Variants in OSTM1 observed in about 807,000 individuals in gnomAD.
The protein encoded by OSTM1 is osteopetrosis-associated transmembrane protein 1.
Under a neutral mutation model 35.4 loss-of-function variants are expected in OSTM1, and 26 were observed. The ratio of observed to expected loss-of-function variants is 0.73; its 90% CI spans 0.54 to 1.02. OSTM1 has a LOEUF of 1.02. Among genes scored for constraint, OSTM1 ranks in the 50% least tolerant of loss-of-function variants. OSTM1 has a pLI of 0.00. For synonymous variants in OSTM1, 181 were observed against 165.0 expected (o/e 1.10, Z -0.75); for missense variants, 366 against 409.6 (o/e 0.89, Z 0.92).
intron 2 of OSTM1, chr6:108,060,903 T>C (rs1051098568): frequency 1.3e-5 from 2 of 152,070 alleles, no homozygotes; most frequent in African/African-American, 4.8e-5. Flanking sequence ...TTTCCCCTCT[T>C]CTCACTGCTG....
At chr6:108,052,044 AC>A (rs1387766873) in intron 3 of OSTM1, among the ~76,000 whole-genome samples, 7 of 152,278 alleles carry the variant, frequency 4.6e-5, no homozygotes, top group African/African-American at 1.7e-4. Context: ...TGTTACCCTC[AC>A]CATCTGCTTG....
At chr6:108,074,205 C>G in intron 1 of OSTM1, 45 bp downstream of exon 1, 2 of 1,598,408 alleles carry the variant, frequency 1.3e-6, no homozygotes, top group Non-Finnish European at 1.7e-6. Flanking sequence ...CTCCTCCTTT[C>G]CCAACTCTCC....
chr6:108,068,286 C>T (rs959271189), intron 1 of OSTM1, among the ~76,000 whole-genome samples: 1 of 152,140 alleles, frequency 6.6e-6, no homozygotes, highest in Non-Finnish European at 1.5e-5. Flanking sequence ...GTCATAATTT[C>T]AAATGCCATT....
rs1330784570 is a variant in OSTM1 at position 108,054,524 on chromosome 6, T to C, written c.581A>G (p.Asn194Ser). ...NSTVYFLNLF[N>S]HTLTCFEHNL... is the part of the protein sequence containing the mutation. ...ATGTTCAAAGCAGGTCAGGGTGTGA[T>C]TAAATAGATTAAGGAAATATACTGT... Residue 194 changes from asparagine (N) to serine (S), a missense_variant, in exon 3 of 6, where the codon AAT (asparagine) becomes AGT (serine). This residue lies in a region of OSTM1 where 5 missense variants were observed against 18.5 expected (regional missense o/e 0.27). Transcript: ENST00000193322. The C allele has an allele frequency of 6.4e-7, 1 of 1,556,616 alleles. No individual in the cohort carries two copies. The highest frequency in any genetic ancestry group is 8.8e-7 in the Non-Finnish European group (1 of 1,130,876).
rs767850587 is a variant in OSTM1, at chr6:108,051,013, C to T, written c.783+18G>A. ...TAACACTCTAAAATATGTATCACAT[C>T]AGAAGCAAAGTACTTACTGCATCTT... On this transcript the variant is annotated intron_variant, in intron 4 of 5. Coordinates refer to ENST00000193322, the MANE Select transcript of OSTM1 (RefSeq NM_014028.4). 10 of 1,593,836 alleles carry T rather than the reference C, an allele frequency of 6.3e-6. No homozygotes were observed. Among genetic ancestry groups the T allele is most frequent in the East Asian group, 2.2e-5 (1 of 44,700 alleles).
intron 1 of OSTM1, among the ~76,000 whole-genome samples, chr6:108,068,124 C>T (rs974560585): frequency 6.6e-6 from 1 of 152,154 alleles, no homozygotes; most frequent in Admixed American, 6.5e-5. Flanking sequence ...AATAACCACC[C>T]CTTCCCTTTT....
intron 1 of OSTM1, among the ~76,000 whole-genome samples, chr6:108,071,075 C>A (rs1197653395): frequency 1.3e-5 from 2 of 151,396 alleles, no homozygotes; most frequent in African/African-American, 4.9e-5. Context: ...GTAGTCCCAG[C>A]TGCTTGGGAG....
intron 4 of OSTM1, among the ~76,000 whole-genome samples, chr6:108,050,280 G>T (rs747587199): frequency 6.7e-6 from 1 of 149,640 alleles, no homozygotes; most frequent in African/African-American, 2.5e-5. Context: ...GATGGTAATA[G>T]ATATAAGAAA....
At chr6:108,055,181 A>T (rs1016444776) in intron 2 of OSTM1, among the ~76,000 whole-genome samples, 3 of 152,230 alleles carry the variant, frequency 2.0e-5, no homozygotes, top group African/African-American at 7.2e-5. Context: ...TAAAAATCCT[A>T]CATAAATGGT....
chr6:108,046,168 A>ATTTTTTTTTTTTTTTTTTT (rs750495431), intron 5 of OSTM1, among the ~76,000 whole-genome samples: 1 of 93,484 alleles, frequency 1.1e-5, no homozygotes, highest in South Asian at 3.4e-4. Context: ...CGCCCAGCTA[A>ATTTTTTTTTTTTTTTTTTT]TTTTTTTTTT....
At position 108,074,665 on chromosome 6, in the gene OSTM1, C is replaced by A. The variant is rs1441787870; in HGVS notation, c.-14G>T. 5.9e-6 allele frequency: 9 copies of A among 1,537,500 alleles called. No homozygotes were observed. Among genetic ancestry groups the A allele is most frequent in the Non-Finnish European group, 7.8e-6 (9 of 1,148,386 alleles). ...GCCCGGCTCCATCACCGGGCTCACACACCCCAGGGAGCCCACCGCCGCCTC... is the reference window on the plus strand; with the variant it reads ...GCCCGGCTCCATCACCGGGCTCACAAACCCCAGGGAGCCCACCGCCGCCTC... On this transcript the variant is annotated 5_prime_UTR_variant, in exon 1 of 6. Transcript: ENST00000193322.
At position 108,044,801 on chromosome 6, in the gene OSTM1, T is replaced by G. The variant is rs142270062; in HGVS notation, c.989A>C (p.Gln330Pro). Residue 330 changes from glutamine (Q) to proline (P), a missense_variant, in exon 6 of 6, where the codon CAG (glutamine) becomes CCG (proline). This residue lies in a region of OSTM1 where 125 missense variants were observed against 151.7 expected (regional missense o/e 0.82). Coordinates refer to ENST00000193322, the MANE Select transcript of OSTM1 (RefSeq NM_014028.4). ...TTGTAGGTCTCAGTTTGAATTTTCC[T>G]GAATATTTGCAAAACTGGTACTGGA... is the stretch of plus-strand genomic sequence containing the variant. ...LKSSTSFANI[Q>P]ENSN 23 of 1,579,918 alleles carry G rather than the reference T, an allele frequency of 1.5e-5. No individual in the cohort carries two copies. The highest frequency in any genetic ancestry group is 1.7e-5 in the Admixed American group (1 of 59,672).
chr6:108,058,760 A>C (rs1013795143), intron 2 of OSTM1, among the ~76,000 whole-genome samples: 19 of 152,300 alleles, frequency 1.2e-4, no homozygotes, highest in Admixed American at 9.2e-4. Flanking sequence ...CCTGGGTGAC[A>C]GAGCAAGACT....
intron 1 of OSTM1, among the ~76,000 whole-genome samples, chr6:108,064,967 T>C (rs1772351282): frequency 6.6e-6 from 1 of 152,214 alleles, no homozygotes; most frequent in African/African-American, 2.4e-5. Context: ...CAAGCGATTC[T>C]CATGCCACAG....
intron 1 of OSTM1, among the ~76,000 whole-genome samples, chr6:108,067,309 G>A (rs1772397147): frequency 6.6e-6 from 1 of 152,076 alleles, no homozygotes; most frequent in Non-Finnish European, 1.5e-5. Context: ...GGTGGGGAAG[G>A]CACCTGTCCT....
At chr6:108,072,553 A>T (rs1054206014) in intron 1 of OSTM1, among the ~76,000 whole-genome samples, 1 of 151,804 alleles carries the variant, frequency 6.6e-6, no homozygotes, top group Non-Finnish European at 1.5e-5. Context: ...GAATCACTTG[A>T]ACCCAGGAGG....
intron 3 of OSTM1, among the ~76,000 whole-genome samples, chr6:108,051,847 A>G (rs1324082377): frequency 6.6e-6 from 1 of 152,222 alleles, no homozygotes; most frequent in African/African-American, 2.4e-5. Context: ...CTAAATCTCA[A>G]TATTTTGTAC....
At chr6:108,068,943 G>C (rs895037687) in intron 1 of OSTM1, among the ~76,000 whole-genome samples, 2 of 152,074 alleles carry the variant, frequency 1.3e-5, no homozygotes, top group Admixed American at 1.3e-4. Flanking sequence ...CTGTGTTCTA[G>C]ACCTCAGATA....
intron 4 of OSTM1, 53 bp downstream of exon 4, chr6:108,050,978 G>T: frequency 7.3e-7 from 1 of 1,370,218 alleles, no homozygotes; most frequent in Non-Finnish European, 1.0e-6. Context: ...CATACTGAAG[G>T]TACATTCAAT....
Sources: allele counts gnomAD v4.1 joint callset (sites outside exome capture counted in the v4.1 genomes callset), GRCh38; gene constraint gnomAD v4.1.1; regional missense constraint gnomAD v4.1.1; transcripts MANE v1.5; gene names NCBI Gene and HGNC (gene_info 2026-07-23, HGNC 2026-07-21).